EXT1: variants seen among roughly 807,000 people sequenced by gnomAD.
EXT1 encodes the protein exostosin-1.
EXT1 carries 20 observed loss-of-function variants against 82.5 expected under a neutral mutation model. The observed-to-expected ratio is 0.24, with a 90% CI of 0.17 to 0.35. EXT1 has a LOEUF of 0.35. EXT1 is among the 10% of genes least tolerant of loss of function. The pLI is 1.00. For missense variants in EXT1, 757 were observed against 936.5 expected (o/e 0.81, Z 2.50); for synonymous variants, 348 against 350.8 (o/e 0.99, Z 0.09).
intron 4 of EXT1, among the ~76,000 whole-genome samples, chr8:117,824,476 T>A (rs983637043): frequency 2.6e-5 from 4 of 152,236 alleles, no homozygotes; most frequent in Non-Finnish European, 5.9e-5. Flanking sequence ...AAATGTTGAA[T>A]TTAACGTGGG....
rs537643382 is a variant in EXT1, at chr8:117,994,444, C to G, written c.962+115641G>C. Among the ~76,000 whole-genome samples the G allele has an allele frequency of 1.9e-3, 293 of 152,218 alleles. 1 individual carries two copies. The highest frequency in any genetic ancestry group is 6.4e-3 in the African/African-American group (265 of 41,530). On this transcript the variant is annotated intron_variant, in intron 1 of 10. Coordinates refer to ENST00000378204, the MANE Select transcript of EXT1 (RefSeq NM_000127.3). The stretch of plus-strand genomic sequence containing the variant: ...CTGAGCAACATGGCAAAGCCCATCT[C>G]TATAAAAAATACAAAAATTAGCCAG...
intron 1 of EXT1, among the ~76,000 whole-genome samples, chr8:118,004,557 G>T (rs141813015): frequency 5.3e-5 from 8 of 152,274 alleles, no homozygotes; most frequent in African/African-American, 1.9e-4. Flanking sequence ...GGAGCACAGC[G>T]CAGATGTCCC....
chr8:118,080,697 C>A (rs1386228027), intron 1 of EXT1, among the ~76,000 whole-genome samples: 1 of 152,082 alleles, frequency 6.6e-6, no homozygotes, highest in Admixed American at 6.6e-5. Context: ...CCGAAAGAAC[C>A]TGAGCAATGA....
intron 1 of EXT1, among the ~76,000 whole-genome samples, chr8:118,042,045 G>C (rs1270277881): frequency 6.6e-6 from 1 of 152,016 alleles, no homozygotes; most frequent in African/African-American, 2.4e-5. Flanking sequence ...GCTCTGGCCA[G>C]CTGCATAAAT....
intron 1 of EXT1, among the ~76,000 whole-genome samples, chr8:117,925,929 A>C (rs183524936): frequency 5.3e-5 from 8 of 152,072 alleles, no homozygotes; most frequent in Non-Finnish European, 8.8e-5. Flanking sequence ...AAAACAAGAA[A>C]TTGTTTTCAT....
intron 1 of EXT1, among the ~76,000 whole-genome samples, chr8:117,976,722 T>C (rs1180633454): frequency 2.6e-5 from 4 of 152,242 alleles, no homozygotes; most frequent in Non-Finnish European, 4.4e-5. Flanking sequence ...TATGTAAGCT[T>C]ATACTTTAAT....
At chr8:118,013,169 G>T (rs549145282) in intron 1 of EXT1, among the ~76,000 whole-genome samples, 1 of 151,932 alleles carries the variant, frequency 6.6e-6, no homozygotes, top group East Asian at 1.9e-4. Flanking sequence ...TAGTAGCTGG[G>T]ATTACAAGCA....
In EXT1 at chr8:118,071,247, C is replaced by T. The variant is rs1215796116; in HGVS notation, c.962+38838G>A. Among the ~76,000 whole-genome samples the T allele has an allele frequency of 3.3e-5, 5 of 152,100 alleles. No homozygotes were observed. The East Asian group carries it at 9.6e-4, about 29-fold the overall frequency. On this transcript the variant is annotated intron_variant, in intron 1 of 10. Transcript: ENST00000378204. Reference sequence around the variant, plus strand: ...AATAATTGAAGAATAAATAATTGTGCCAGTGCCTGGTCTCAGGGGCCATTT... The same window carrying T: ...AATAATTGAAGAATAAATAATTGTGTCAGTGCCTGGTCTCAGGGGCCATTT...
At chr8:118,015,543 A>G (rs1815986091) in intron 1 of EXT1, among the ~76,000 whole-genome samples, 1 of 152,188 alleles carries the variant, frequency 6.6e-6, no homozygotes, top group South Asian at 2.1e-4. Flanking sequence ...CAAAAAAACA[A>G]TTATGAGAGA....
At chr8:117,959,868 G>A (rs1043804411) in intron 1 of EXT1, among the ~76,000 whole-genome samples, 6 of 152,154 alleles carry the variant, frequency 3.9e-5, no homozygotes, top group Non-Finnish European at 8.8e-5. Flanking sequence ...AAGCTTCATT[G>A]TGACTTCACA....
intron 1 of EXT1, among the ~76,000 whole-genome samples, chr8:118,005,018 T>C (rs1324197661): frequency 2.6e-5 from 4 of 152,196 alleles, no homozygotes; most frequent in African/African-American, 4.8e-5. Flanking sequence ...GATGTTATCA[T>C]CCCACTTTTA....
At chr8:118,048,449 A>G (rs1816657146) in intron 1 of EXT1, among the ~76,000 whole-genome samples, 1 of 152,158 alleles carries the variant, frequency 6.6e-6, no homozygotes, top group Non-Finnish European at 1.5e-5. Context: ...TCACCTGTTT[A>G]TTTGTTGTTG....
At chr8:117,806,450 T>G (rs974747270) in intron 9 of EXT1, among the ~76,000 whole-genome samples, 1 of 152,152 alleles carries the variant, frequency 6.6e-6, no homozygotes, top group Non-Finnish European at 1.5e-5. Context: ...CCTCCTCCCA[T>G]ATCACTTAGA....
At chr8:118,080,263 G>A (rs528273178) in intron 1 of EXT1, among the ~76,000 whole-genome samples, 28 of 152,208 alleles carry the variant, frequency 1.8e-4, no homozygotes, top group Middle Eastern at 6.8e-3. Context: ...CAAGAACTTC[G>A]TACCACCCTG....
At chr8:117,980,194 A>C (rs1163140939) in intron 1 of EXT1, among the ~76,000 whole-genome samples, 2 of 152,110 alleles carry the variant, frequency 1.3e-5, no homozygotes, top group Non-Finnish European at 2.9e-5. Context: ...GCCCATTCCC[A>C]TTTTGCCTGA....
intron 1 of EXT1, among the ~76,000 whole-genome samples, chr8:117,932,300 G>A (rs767850999): frequency 1.9e-4 from 29 of 152,134 alleles, no homozygotes; most frequent in Non-Finnish European, 3.8e-4. Context: ...TTAACCAAAT[G>A]CTGGCTGGGG....
intron 3 of EXT1, among the ~76,000 whole-genome samples, chr8:117,833,979 T>A (rs955504066): frequency 6.6e-6 from 1 of 152,206 alleles, no homozygotes; most frequent in African/African-American, 2.4e-5. Flanking sequence ...CAGTGGGAAA[T>A]CATTGGCATA....
chr8:117,807,683 T>TC (rs558851106), intron 8 of EXT1, among the ~76,000 whole-genome samples: 1 of 152,042 alleles, frequency 6.6e-6, no homozygotes, highest in Non-Finnish European at 1.5e-5. Context: ...AAGCTTCTTT[T>TC]CCCCCTTCCT....
At chr8:118,101,740 C>G (rs2468137) in intron 1 of EXT1, among the ~76,000 whole-genome samples, 1 of 151,962 alleles carries the variant, frequency 6.6e-6, no homozygotes, top group South Asian at 2.1e-4. Flanking sequence ...CCAATTAACA[C>G]CTACAAATGT....
Sources: gnomAD v4.1 joint callset for allele counts (sites outside exome capture counted in the v4.1 genomes callset) on GRCh38, gnomAD v4.1.1 for gene constraint, MANE v1.5 for transcripts, NCBI Gene and HGNC (gene_info 2026-07-23, HGNC 2026-07-21) for gene names.